The following MACROD2 variants were observed in gnomAD, a reference collection of about 807,000 sequenced individuals.
MACROD2 encodes mono-ADP ribosylhydrolase 2.
In MACROD2, 36 loss-of-function variants were observed where a neutral mutation model predicts 70.4. The ratio of observed to expected loss-of-function variants is 0.51; its 90% CI spans 0.39 to 0.68. The LOEUF is 0.68. MACROD2 is among the 30% of genes least tolerant of loss of function. The pLI is 0.00. For synonymous variants in MACROD2, 172 were observed against 178.8 expected, an observed-to-expected ratio of 0.96 and a Z score of 0.30; for missense variants, 496 against 538.4, an observed-to-expected ratio of 0.92 and a Z score of 0.78.
chr20:15,540,574 C>A (rs898306517), intron 8 of MACROD2, among the ~76,000 whole-genome samples: 4 of 152,132 alleles, frequency 2.6e-5, no homozygotes, highest in African/African-American at 7.2e-5. Flanking sequence ...AAGGGAAAAT[C>A]CCAGGTCAAT....
chr20:15,342,243 A>G (rs1242410191), intron 6 of MACROD2, among the ~76,000 whole-genome samples: 3 of 152,228 alleles, frequency 2.0e-5, no homozygotes, highest in African/African-American at 7.2e-5. Context: ...CTGCAGATCA[A>G]CGCAAGTTGC....
At chr20:15,729,624 G>A (rs931681924) in intron 8 of MACROD2, among the ~76,000 whole-genome samples, 7 of 151,892 alleles carry the variant, frequency 4.6e-5, no homozygotes, top group South Asian at 2.1e-4. Flanking sequence ...ACTGATGTTC[G>A]TTGTTTATTT....
At chr20:15,276,599 G>A (rs970854185) in intron 6 of MACROD2, among the ~76,000 whole-genome samples, 2 of 152,042 alleles carry the variant, frequency 1.3e-5, no homozygotes, top group African/African-American at 2.4e-5. Context: ...AAAATACGGG[G>A]CCCTTTCTTC....
At chr20:15,226,756 T>C (rs908625379) in intron 5 of MACROD2, among the ~76,000 whole-genome samples, 1 of 152,162 alleles carries the variant, frequency 6.6e-6, no homozygotes, top group African/African-American at 2.4e-5. Flanking sequence ...AGGTTAGATA[T>C]TAATAATGCT....
intron 10 of MACROD2, among the ~76,000 whole-genome samples, chr20:15,914,043 T>A (rs1374055974): frequency 1.3e-5 from 2 of 152,210 alleles, no homozygotes; most frequent in Non-Finnish European, 2.9e-5. Flanking sequence ...TTTAAAGAGT[T>A]CTTTAGGGAC....
intron 9 of MACROD2, among the ~76,000 whole-genome samples, chr20:15,884,699 CAT>C (rs2064800415): frequency 6.6e-6 from 1 of 152,060 alleles, no homozygotes; most frequent in African/African-American, 2.4e-5. Context: ...GAGGACCAAA[CAT>C]AGAAACAGGA....
intron 4 of MACROD2, among the ~76,000 whole-genome samples, chr20:14,643,148 G>A (rs1447282775): frequency 6.6e-6 from 1 of 152,008 alleles, no homozygotes; most frequent in East Asian, 1.9e-4. Context: ...AATTCCCTTA[G>A]CTCTGCTTTC....
intron 3 of MACROD2, among the ~76,000 whole-genome samples, chr20:14,246,696 C>T (rs1241964891): frequency 6.6e-6 from 1 of 152,156 alleles, no homozygotes; most frequent in Admixed American, 6.6e-5. Context: ...TCTTACCAAA[C>T]AACAGGTTTA....
chr20:14,096,131 T>C (rs2054221387), intron 3 of MACROD2, among the ~76,000 whole-genome samples: 1 of 152,208 alleles, frequency 6.6e-6, no homozygotes, highest in Non-Finnish European at 1.5e-5. Context: ...GGCACACTTT[T>C]GGACTGAGAG....
At chr20:14,266,011 C>T (rs1235237913) in intron 3 of MACROD2, among the ~76,000 whole-genome samples, 2 of 152,164 alleles carry the variant, frequency 1.3e-5, no homozygotes, top group Admixed American at 6.5e-5. Flanking sequence ...CTCCTGACCT[C>T]GTGATCTGCC....
chr20:15,690,984 C>T (rs971231670), intron 8 of MACROD2, among the ~76,000 whole-genome samples: 1 of 152,060 alleles, frequency 6.6e-6, no homozygotes, highest in Non-Finnish European at 1.5e-5. Context: ...ATTTTTATTC[C>T]TACTTTAGGT....
intron 5 of MACROD2, among the ~76,000 whole-genome samples, chr20:14,832,115 T>G (rs2072976943): frequency 7.3e-6 from 1 of 137,638 alleles, no homozygotes; most frequent in Admixed American, 8.0e-5. Flanking sequence ...CGATCTCGGC[T>G]CACTGCAAGC....
intron 7 of MACROD2, among the ~76,000 whole-genome samples, chr20:15,499,407 T>C (rs1397193602): frequency 6.6e-6 from 1 of 152,216 alleles, no homozygotes; most frequent in African/African-American, 2.4e-5. Flanking sequence ...ATGTACTTTT[T>C]TTTTAAGCTG....
chr20:15,958,799 G>A (rs1200447515), intron 12 of MACROD2, among the ~76,000 whole-genome samples: 1 of 152,118 alleles, frequency 6.6e-6, no homozygotes, highest in Non-Finnish European at 1.5e-5. Flanking sequence ...TGGTCCCCAC[G>A]ATAGAATTAG....
At chr20:14,383,395 C>T (rs1191616441) in intron 3 of MACROD2, among the ~76,000 whole-genome samples, 1 of 151,810 alleles carries the variant, frequency 6.6e-6, no homozygotes, top group African/African-American at 2.4e-5. Context: ...CTTGTTCCTT[C>T]GTGAACACTG....
intron 3 of MACROD2, among the ~76,000 whole-genome samples, chr20:14,112,000 C>A: frequency 6.6e-6 from 1 of 151,778 alleles, no homozygotes. Context: ...ATGGTAGGTA[C>A]ATATATACAC....
At chr20:15,187,819 G>A (rs2076543611) in intron 5 of MACROD2, among the ~76,000 whole-genome samples, 1 of 152,124 alleles carries the variant, frequency 6.6e-6, no homozygotes, top group African/African-American at 2.4e-5. Context: ...TTATCCATGA[G>A]TAAGCAATTT....
rs374150833 is a variant in MACROD2, at chr20:14,744,568, G to A, written c.418+59609G>A. 6.6e-5 allele frequency among the ~76,000 whole-genome samples: 10 copies of A among 151,958 alleles called. 1 individual carries two copies. Among genetic ancestry groups the A allele is most frequent in the African/African-American group, 1.7e-4 (7 of 41,426 alleles). ...ATGTAGTAGCTTGTGAGAAAATGGC[G>A]GTCATAGTTCACATCTGTATTTTCA... On this transcript the variant is annotated intron_variant, in intron 5 of 17. Transcript: ENST00000684519.
intron 8 of MACROD2, among the ~76,000 whole-genome samples, chr20:15,811,889 T>C (rs2063825166): frequency 6.6e-6 from 1 of 152,154 alleles, no homozygotes; most frequent in South Asian, 2.1e-4. Context: ...AGCAAGAGTC[T>C]GGTGGCTAAA....
Sources: allele counts gnomAD v4.1 joint callset (sites outside exome capture counted in the v4.1 genomes callset), GRCh38; gene constraint gnomAD v4.1.1; transcripts MANE v1.5; gene names NCBI Gene and HGNC (gene_info 2026-07-23, HGNC 2026-07-21).